KLRF2: variants seen among roughly 807,000 people sequenced by gnomAD.
KLRF2 encodes killer cell lectin like receptor F2.
KLRF2 carries 28 observed loss-of-function variants against 25.3 expected under a neutral mutation model. That is an observed-to-expected ratio of 1.11 (90% CI 0.82 to 1.52). The LOEUF (loss-of-function observed/expected upper bound fraction) is 1.52, where lower values mean the gene tolerates loss of function less well. Ranked by LOEUF, KLRF2 falls within the 40% of genes most tolerant of loss-of-function variation. The pLI, the probability that KLRF2 is intolerant of heterozygous loss-of-function variation, is 0.00. For synonymous variants in KLRF2, 73 were observed against 85.0 expected, an observed-to-expected ratio of 0.86 and a Z score of 0.78; for missense variants, 265 against 245.8, an observed-to-expected ratio of 1.08 and a Z score of -0.52.
Position 9,893,530 on chromosome 12 carries a change from A to C in KLRF2, c.468A>C (p.Leu156Phe), listed in dbSNP as rs1227756076. 1 of 1,457,854 alleles carries C rather than the reference A, an allele frequency of 6.9e-7. No homozygotes were observed. Among genetic ancestry groups the C allele is most frequent in the East Asian group, 2.5e-5 (1 of 40,058 alleles). The allele number at this position is 1,457,854 out of a possible 1,614,324, so 90.3% of individuals were successfully genotyped here. A position where few individuals can be genotyped will look rare whatever the true frequency, so the allele number is the denominator to read the frequency against. The change falls in exon 5 of 6, where the codon TTA becomes TTC. Residue 156 changes from leucine (L) to phenylalanine (F), a missense_variant. Physicochemically the swap from Leu to Phe is conservative, Grantham distance 22 (BLOSUM62 0). Coordinates refer to ENST00000535540, the MANE Select transcript of KLRF2 (RefSeq NM_001190765.1). ...GGATGTGGATAGATGAACACTTTTT[A>C]GTTCCAGAATTGTGAGTAGTTATTT... ...NLWMWIDEHF[L>F]VPELFSVIGP...
intron 5 of KLRF2, 72 bp from the exon 6 acceptor site, chr12:9,895,617 C>T: frequency 7.3e-7 from 1 of 1,376,678 alleles, no homozygotes; most frequent in Non-Finnish European, 9.5e-7. Context: ...AAAAGTTTGG[C>T]TGGAGAAAAC....
At chr12:9,887,353 G>T (rs943532877) in intron 2 of KLRF2, among the ~76,000 whole-genome samples, 4 of 152,088 alleles carry the variant, frequency 2.6e-5, no homozygotes, top group African/African-American at 4.8e-5. Flanking sequence ...ATCCTAAAGG[G>T]TTTACATAAA....
intron 2 of KLRF2, among the ~76,000 whole-genome samples, 174 bp from the exon 3 acceptor site, chr12:9,888,559 A>C (rs2136999283): frequency 6.6e-6 from 1 of 152,288 alleles, no homozygotes; most frequent in East Asian, 1.9e-4. Flanking sequence ...GTAAAAACAG[A>C]TATGGCGAAA....
chr12:9,890,914 C>T (rs535967045), intron 3 of KLRF2, among the ~76,000 whole-genome samples: 4 of 152,292 alleles, frequency 2.6e-5, no homozygotes, highest in African/African-American at 9.6e-5. Flanking sequence ...TCTTAATATC[C>T]TCTAATAGTC....
chr12:9,885,221 A>G (rs1868136388), intron 2 of KLRF2, among the ~76,000 whole-genome samples, 189 bp downstream of exon 2: 1 of 151,788 alleles, frequency 6.6e-6, no homozygotes, highest in Non-Finnish European at 1.5e-5. Context: ...ATCTTTTCTT[A>G]TAAAGAACCC....
Position 9,884,993 on chromosome 12 carries a change from C to A in KLRF2, c.130C>A (p.Leu44Ile). The A allele has an allele frequency of 7.5e-7, 1 of 1,330,976 alleles. No homozygotes were observed. The allele number at this position is 1,330,976 out of a possible 1,614,324, so 82.4% of individuals were successfully genotyped here. ...LLLIFGCIVI[L>I]IFIMTGIDLK... The stretch of plus-strand genomic sequence containing the variant: ...GCTCATATTTGGATGCATTGTGATC[C>A]TTATATTCATTATGACAGGGATTGA... Residue 44 changes from leucine (L) to isoleucine (I), a missense_variant, in exon 2 of 6, where the codon CTT becomes ATT. Leu to Ile is a conservative substitution (Grantham distance 5). Coordinates refer to ENST00000535540, the MANE Select transcript of KLRF2 (RefSeq NM_001190765.1).
intron 5 of KLRF2, among the ~76,000 whole-genome samples, chr12:9,893,919 G>A (rs1016907549): frequency 1.3e-5 from 2 of 152,044 alleles, no homozygotes; most frequent in African/African-American, 4.8e-5. Context: ...ATAAATAAAA[G>A]CTGGAATGTG....
At chr12:9,894,004 T>C (rs563722150) in intron 5 of KLRF2, among the ~76,000 whole-genome samples, 9 of 152,254 alleles carry the variant, frequency 5.9e-5, no homozygotes, top group African/African-American at 2.2e-4. Flanking sequence ...CTAAACTTGT[T>C]GATATCCATT....
chr12:9,886,967 G>A (rs1459559192), intron 2 of KLRF2, among the ~76,000 whole-genome samples: 1 of 151,986 alleles, frequency 6.6e-6, no homozygotes, highest in East Asian at 1.9e-4. Flanking sequence ...CTTCTGAAAA[G>A]TCATGGTAGC....
At chr12:9,894,111 TTTTC>T (rs1410851189) in intron 5 of KLRF2, among the ~76,000 whole-genome samples, 1 of 134,924 alleles carries the variant, frequency 7.4e-6, no homozygotes, top group Non-Finnish European at 1.5e-5. Context: ...CTCTTTTTCT[TTTTC>T]TTTCTTTTCT....
chr12:9,889,812 A>C (rs1244961790), intron 3 of KLRF2, among the ~76,000 whole-genome samples: 1 of 152,126 alleles, frequency 6.6e-6, no homozygotes, highest in Admixed American at 6.6e-5. Context: ...CTAAGCTAAC[A>C]GAGTTAGAGT....
intron 3 of KLRF2, among the ~76,000 whole-genome samples, chr12:9,889,567 A>G (rs1862648113): frequency 2.0e-5 from 3 of 152,004 alleles, no homozygotes; most frequent in Admixed American, 1.3e-4. Context: ...CTGTTGGCCT[A>G]TTCTGTGCGT....
intron 2 of KLRF2, among the ~76,000 whole-genome samples, chr12:9,888,400 G>A (rs1862628242): frequency 6.6e-6 from 1 of 151,988 alleles, no homozygotes; most frequent in South Asian, 2.1e-4. Context: ...TGAGGTAGGA[G>A]AATGGCGAGA....
chr12:9,883,027 T>A (rs578112263), intron 1 of KLRF2, among the ~76,000 whole-genome samples: 1 of 152,238 alleles, frequency 6.6e-6, no homozygotes, highest in South Asian at 2.1e-4. Context: ...TAAGATAATA[T>A]CCATTTAAAT....
intron 2 of KLRF2, among the ~76,000 whole-genome samples, chr12:9,887,662 G>T (rs1039629437): frequency 6.7e-6 from 1 of 150,030 alleles, no homozygotes; most frequent in Non-Finnish European, 1.5e-5. Flanking sequence ...CTGTCTATAT[G>T]AAAACAAACT....
chr12:9,895,521 T>C (rs1467413719), intron 5 of KLRF2, among the ~76,000 whole-genome samples, 168 bp from the exon 6 acceptor site: 1 of 152,166 alleles, frequency 6.6e-6, no homozygotes, highest in East Asian at 1.9e-4. Context: ...GTTACCAAGA[T>C]AGGAAAGAGG....
intron 3 of KLRF2, among the ~76,000 whole-genome samples, chr12:9,889,356 G>A (rs1028629682): frequency 6.6e-6 from 1 of 152,040 alleles, no homozygotes; most frequent in Admixed American, 6.5e-5. Context: ...ATGTCACTGG[G>A]AAGATATTTT....
rs568486379 is a variant in KLRF2 at position 9,893,680 on chromosome 12, GCT to G, written c.479+146_479+147del. 2.2e-5 allele frequency: 9 copies of G among 412,450 alleles called. No homozygotes were observed. In the South Asian group the frequency reaches 8.3e-4, roughly 38 times the overall value. The allele number at this position is 412,450 out of a possible 1,614,324, so 25.5% of individuals were successfully genotyped here. A position where few individuals can be genotyped will look rare whatever the true frequency, so the allele number is the denominator to read the frequency against. On this transcript the variant is annotated intron_variant, in intron 5 of 5. Transcript: ENST00000535540. ...ATTTTTTTCTACTTTTTCCCTTTTA[GCT>G]CTCTCTTTTCTTTCCTTCCTCCCTC...
chr12:9,892,281 C>G (rs535969174), intron 3 of KLRF2, among the ~76,000 whole-genome samples: 8 of 152,248 alleles, frequency 5.3e-5, no homozygotes, highest in Non-Finnish European at 7.4e-5. Flanking sequence ...GAACGAAAAG[C>G]ACAGGAGAAT....
Sources: gnomAD v4.1 joint callset for allele counts (sites outside exome capture counted in the v4.1 genomes callset) on GRCh38, gnomAD v4.1.1 for gene constraint, MANE v1.5 for transcripts, NCBI Gene and HGNC (gene_info 2026-07-23, HGNC 2026-07-21) for gene names.